RICTOR: variants seen among roughly 807,000 people sequenced by gnomAD.
RICTOR encodes the protein rapamycin-insensitive companion of mTOR.
In RICTOR, 49 loss-of-function variants were observed where a neutral mutation model predicts 214.9. The observed-to-expected ratio is 0.23, with a 90% CI of 0.18 to 0.29. The LOEUF (loss-of-function observed/expected upper bound fraction) is 0.29. Among genes scored for constraint, RICTOR ranks in the 10% least tolerant of loss-of-function variants. The pLI is 1.00. For missense variants in RICTOR, 1,625 were observed against 2,047.0 expected (o/e 0.79, Z 3.98); for synonymous variants, 717 against 711.3 (o/e 1.01, Z -0.13).
At chr5:38,943,542 G>A (rs930573443) in intron 36 of RICTOR, among the ~76,000 whole-genome samples, 3 of 152,064 alleles carry the variant, frequency 2.0e-5, no homozygotes, top group South Asian at 2.1e-4. Context: ...GGCTGGGCAC[G>A]GTGGCTCATG....
Position 38,938,958 on chromosome 5 carries a change from A to C in RICTOR, c.*3346T>G. ...TTTTAATGGATTGTGAATCTGAGACAAAAGTGGAAGCATAAGACTAAAGGA... is the reference window on the plus strand; with the variant it reads ...TTTTAATGGATTGTGAATCTGAGACCAAAGTGGAAGCATAAGACTAAAGGA... On this transcript the variant is annotated 3_prime_UTR_variant, in exon 38 of 38. Transcript: ENST00000357387. The C allele has an allele frequency of 8.6e-6, 2 of 233,056 alleles. No individual in the cohort carries two copies. Among genetic ancestry groups the C allele is most frequent in the Non-Finnish European group, 1.7e-5 (2 of 117,668 alleles). The allele number at this position is 233,056 out of a possible 1,614,324, so 14.4% of individuals were successfully genotyped here.
At position 38,942,240 on chromosome 5, in the gene RICTOR, C is replaced by T. The variant is rs982969679; in HGVS notation, c.*64G>A. Reference sequence around the variant, plus strand: ...GCCTAGTCAGTCGTATTTTCTGAGGCTTTTAGGAAATCCACAAATATGAAT... The same window carrying T: ...GCCTAGTCAGTCGTATTTTCTGAGGTTTTTAGGAAATCCACAAATATGAAT... On this transcript the variant is annotated 3_prime_UTR_variant, in exon 38 of 38. Coordinates refer to ENST00000357387, the MANE Select transcript of RICTOR (RefSeq NM_152756.5). 29 of 1,011,250 alleles carry T rather than the reference C, an allele frequency of 2.9e-5. No individual in the cohort carries two copies. The Admixed American group carries it at 5.1e-4, about 18-fold the overall frequency. 62.6% of individuals were successfully genotyped at this position (1,011,250 alleles called of 1,614,324 possible). A position where few individuals can be genotyped will look rare whatever the true frequency, so the allele number is the denominator to read the frequency against.
rs754934053 is a variant in RICTOR at position 39,003,639 on chromosome 5, A to G, written c.196-17T>C. ...ACAAAGAAGCTGTCAGAAAAACAAA[A>G]TAAGTGTGCATTTATGTGTTGTATA... On this transcript the variant is annotated splice_polypyrimidine_tract_variant and intron_variant, in intron 3 of 37. Transcript: ENST00000357387. 23 of 1,549,832 alleles carry G rather than the reference A, an allele frequency of 1.5e-5. 1 individual carries two copies. The highest frequency in any genetic ancestry group is 3.8e-4 in the Middle Eastern group (2 of 5,272).
chr5:38,976,305 C>T (rs1484384666), intron 9 of RICTOR, among the ~76,000 whole-genome samples: 1 of 16,338 alleles, frequency 6.1e-5, no homozygotes, highest in Non-Finnish European at 2.2e-4. Context: ...TTTTCCTGTG[C>T]CACCTTTTTT....
At chr5:38,994,173 G>A (rs1406359223) in intron 6 of RICTOR, among the ~76,000 whole-genome samples, 1 of 151,916 alleles carries the variant, frequency 6.6e-6, no homozygotes, top group African/African-American at 2.4e-5. Flanking sequence ...CTGGGTGACA[G>A]AGCGAGACTC....
chr5:38,996,803 C>A lies in RICTOR; in HGVS notation c.456+16G>T. On this transcript the variant is annotated intron_variant, in intron 6 of 37. Coordinates refer to ENST00000357387, the MANE Select transcript of RICTOR (RefSeq NM_152756.5). Reference sequence around the variant, plus strand: ...AAACCATAAATTTGCCTTTTACTCTCACACATAGAGCATACCTTTCTGACT... The same window carrying A: ...AAACCATAAATTTGCCTTTTACTCTAACACATAGAGCATACCTTTCTGACT... The A allele has an allele frequency of 6.4e-7, 1 of 1,567,310 alleles. No individual in the cohort carries two copies. The highest frequency in any genetic ancestry group is 1.2e-5 in the South Asian group (1 of 86,728).
At chr5:38,990,626 TATATATATCTGACATATATCAG>T (rs1402326877) in intron 7 of RICTOR, among the ~76,000 whole-genome samples, 2 of 90,094 alleles carry the variant, frequency 2.2e-5, no homozygotes, top group African/African-American at 4.2e-5. Context: ...CGATATATGA[TATATATATCTGACATATATCAG>T]ATATATGATA....
intron 5 of RICTOR, among the ~76,000 whole-genome samples, chr5:39,000,812 T>C (rs1490261568): frequency 2.6e-5 from 4 of 151,796 alleles, no homozygotes; most frequent in Non-Finnish European, 5.9e-5. Flanking sequence ...GGTCAATATC[T>C]CCCCCCAATT....
rs1408571550 is a variant in RICTOR, at chr5:38,938,284, GA to G, written c.*4019del. 7 of 227,360 alleles carry G rather than the reference GA, an allele frequency of 3.1e-5. No individual in the cohort carries two copies. The highest frequency in any genetic ancestry group is 6.7e-5 in the African/African-American group (3 of 44,980). The allele number at this position is 227,360 out of a possible 1,614,324, so 14.1% of individuals were successfully genotyped here. A position where few individuals can be genotyped will look rare whatever the true frequency, so the allele number is the denominator to read the frequency against. On this transcript the variant is annotated 3_prime_UTR_variant, in exon 38 of 38. Coordinates refer to ENST00000357387, the MANE Select transcript of RICTOR (RefSeq NM_152756.5). ...TGTGGTTAGAGAGCATTAAGTCTGAGATTTTTTTCACAATTCCTTACCACTT... is the reference window on the plus strand; with the variant it reads ...TGTGGTTAGAGAGCATTAAGTCTGAGTTTTTTTCACAATTCCTTACCACTT...
At position 39,046,545 on chromosome 5, in the gene RICTOR, C is replaced by T. The variant is rs1308423343; in HGVS notation, c.98-25409G>A. On this transcript the variant is annotated intron_variant, in intron 2 of 37. Coordinates refer to ENST00000357387, the MANE Select transcript of RICTOR (RefSeq NM_152756.5). ...GTTTAAGGCCATCATTCAAATTAAG[C>T]TGTCCTCCTCAAGCTTACCATTTGC... is the stretch of plus-strand genomic sequence containing the variant. Among the ~76,000 whole-genome samples, 8 of 151,118 alleles carry T rather than the reference C, an allele frequency of 5.3e-5. 1 individual carries two copies.
intron 2 of RICTOR, among the ~76,000 whole-genome samples, chr5:39,041,005 A>G (rs1296878543): frequency 9.9e-5 from 15 of 152,232 alleles, no homozygotes; most frequent in Admixed American, 9.2e-4. Context: ...AGATTTCACT[A>G]GAGTATAAGA....
chr5:39,022,975 A>G (rs1421549489), intron 2 of RICTOR, among the ~76,000 whole-genome samples: 3 of 152,194 alleles, frequency 2.0e-5, no homozygotes, highest in Non-Finnish European at 4.4e-5. Flanking sequence ...AAACCAATAA[A>G]ATGCTCAACA....
chr5:39,012,009 G>GC (rs1478822644), intron 3 of RICTOR, among the ~76,000 whole-genome samples: 1 of 152,132 alleles, frequency 6.6e-6, no homozygotes, highest in Non-Finnish European at 1.5e-5. Context: ...AGGGGCCAGG[G>GC]CAGAATTATA....
intron 19 of RICTOR, among the ~76,000 whole-genome samples, chr5:38,962,085 TC>T (rs1749842874): frequency 6.6e-6 from 1 of 151,982 alleles, no homozygotes; most frequent in African/African-American, 2.4e-5. Context: ...CTCAACTACT[TC>T]ATCTATTCCA....
At chr5:38,953,929 A>T (rs946984187) in intron 27 of RICTOR, among the ~76,000 whole-genome samples, 1 of 151,900 alleles carries the variant, frequency 6.6e-6, no homozygotes, top group African/African-American at 2.4e-5. Flanking sequence ...TTATTCTTTA[A>T]AACAGAAAGT....
chr5:38,947,897 T>C (rs1158514889), intron 31 of RICTOR, among the ~76,000 whole-genome samples: 5 of 152,288 alleles, frequency 3.3e-5, no homozygotes, highest in African/African-American at 7.2e-5. Flanking sequence ...ATTTGTGTGA[T>C]AATTACCTTA....
intron 10 of RICTOR, among the ~76,000 whole-genome samples, chr5:38,975,051 G>C (rs1751098401): frequency 6.6e-6 from 1 of 152,042 alleles, no homozygotes; most frequent in African/African-American, 2.4e-5. Context: ...ACATTTAATG[G>C]TGGTATTATT....
At position 38,942,077 on chromosome 5, in the gene RICTOR, T is replaced by C. The variant is rs1241275052; in HGVS notation, c.*227A>G. 3 of 377,908 alleles carry C rather than the reference T, an allele frequency of 7.9e-6. No individual in the cohort carries two copies. The highest frequency in any genetic ancestry group is 1.4e-5 in the Non-Finnish European group (3 of 209,258). 23.4% of individuals were successfully genotyped at this position (377,908 alleles called of 1,614,324 possible). A position where few individuals can be genotyped will look rare whatever the true frequency, so the allele number is the denominator to read the frequency against. The stretch of plus-strand genomic sequence containing the variant: ...ATGGTAACTGAAACTCTTAAAACTG[T>C]GGTAATGAATCATGAACCCCTCAAA... On this transcript the variant is annotated 3_prime_UTR_variant, in exon 38 of 38. Transcript: ENST00000357387.
At chr5:38,969,074 A>G (rs776045175) in intron 11 of RICTOR, among the ~76,000 whole-genome samples, 1 of 148,596 alleles carries the variant, frequency 6.7e-6, no homozygotes, top group Non-Finnish European at 1.5e-5. Flanking sequence ...GGTTCAAGCA[A>G]TTCTCCTGCC....
Sources: gnomAD v4.1 joint callset for allele counts (sites outside exome capture counted in the v4.1 genomes callset) on GRCh38, gnomAD v4.1.1 for gene constraint, MANE v1.5 for transcripts, NCBI Gene and HGNC (gene_info 2026-07-23, HGNC 2026-07-21) for gene names.